SLC41A2: variants seen among roughly 807,000 people sequenced by gnomAD.
The protein encoded by SLC41A2 is SLC41A1-like 1.
SLC41A2 carries 32 observed loss-of-function variants against 58.3 expected under a neutral mutation model. That is an observed-to-expected ratio of 0.55 (90% CI 0.41 to 0.74). The LOEUF (loss-of-function observed/expected upper bound fraction) is 0.74. Ranked by LOEUF, SLC41A2 falls within the 30% of genes least tolerant of loss-of-function variation. The pLI is 0.00. For synonymous variants in SLC41A2, 190 were observed against 235.0 expected (o/e 0.81, Z 1.75); for missense variants, 514 against 680.6 (o/e 0.76, Z 2.72).
At chr12:104,836,550 A>C (rs2042215113) in intron 10 of SLC41A2, among the ~76,000 whole-genome samples, 1 of 152,222 alleles carries the variant, frequency 6.6e-6, no homozygotes, top group African/African-American at 2.4e-5. Context: ...TCAAGAGAAG[A>C]TATAACTGAA....
intron 10 of SLC41A2, among the ~76,000 whole-genome samples, chr12:104,843,736 T>G (rs59540600): frequency 0.013 from 1,935 of 152,272 alleles, 53 homozygotes; most frequent in African/African-American, 0.044. Context: ...CTTTTCTTCC[T>G]CCACACGATG....
intron 8 of SLC41A2, 26 bp downstream of exon 8, chr12:104,861,265 C>A: frequency 6.6e-7 from 1 of 1,521,660 alleles, no homozygotes; most frequent in Non-Finnish European, 9.1e-7. Flanking sequence ...TTGATATTAT[C>A]ATGAAACAGT....
intron 2 of SLC41A2, among the ~76,000 whole-genome samples, chr12:104,912,485 T>C (rs1473620396): frequency 6.6e-6 from 1 of 152,168 alleles, no homozygotes; most frequent in Non-Finnish European, 1.5e-5. Flanking sequence ...GGACTTGGTT[T>C]GGAGAGTTTC....
At position 104,886,385 on chromosome 12, in the gene SLC41A2, T is replaced by A. The variant is rs1413622960; in HGVS notation, c.935A>T (p.Asp312Val). ...AGCAGCAATGGGTGTAGCAACATTA[T>A]CAGGATTTATACCAGTCTTCTTTGA... ...VGSKKTGINPDNVATPIAASF... is the reference protein window; with the variant it reads ...VGSKKTGINPVNVATPIAASF... The change falls in exon 6 of 11, where the codon GAT becomes GTT. Residue 312 changes from aspartate (D) to valine (V), a missense_variant. By Grantham distance (152) the Asp-to-Val change is radical. Transcript: ENST00000258538. The A allele has an allele frequency of 6.2e-7, 1 of 1,613,668 alleles. No homozygotes were observed.
chr12:104,870,302 G>A (rs186923216), intron 6 of SLC41A2, among the ~76,000 whole-genome samples: 92 of 152,254 alleles, frequency 6.0e-4, no homozygotes, highest in Non-Finnish European at 4.4e-5. Flanking sequence ...GCAAGGAACA[G>A]ATTCTCCCCA....
chr12:104,921,076 C>G (rs928520332), intron 2 of SLC41A2, among the ~76,000 whole-genome samples: 1 of 151,410 alleles, frequency 6.6e-6, no homozygotes, highest in East Asian at 1.9e-4. Flanking sequence ...AGAAAGAAAC[C>G]CTGTCTCTTA....
intron 4 of SLC41A2, 31 bp downstream of exon 4, chr12:104,895,243 A>G: frequency 6.4e-7 from 1 of 1,550,816 alleles, no homozygotes; most frequent in South Asian, 1.1e-5. Flanking sequence ...TGTACACCCA[A>G]GATCTGTAAA....
chr12:104,920,166 A>G (rs896518014), intron 2 of SLC41A2, among the ~76,000 whole-genome samples: 3 of 152,176 alleles, frequency 2.0e-5, no homozygotes, highest in African/African-American at 7.2e-5. Context: ...ATTCTGTGGC[A>G]TTGATCTCTG....
intron 4 of SLC41A2, among the ~76,000 whole-genome samples, chr12:104,890,997 T>TCC (rs889747631): frequency 2.0e-5 from 3 of 151,778 alleles, no homozygotes; most frequent in African/African-American, 7.3e-5. Flanking sequence ...CCCATCCTAC[T>TCC]CCCCTCCCAC....
intron 8 of SLC41A2, among the ~76,000 whole-genome samples, chr12:104,860,222 C>T (rs1168597238): frequency 6.6e-6 from 1 of 151,898 alleles, no homozygotes; most frequent in Non-Finnish European, 1.5e-5. Flanking sequence ...ACATCACACA[C>T]CAGGGCCTGT....
intron 6 of SLC41A2, among the ~76,000 whole-genome samples, chr12:104,880,344 AACACT>A (rs1195705231): frequency 3.3e-5 from 5 of 152,186 alleles, no homozygotes; most frequent in Admixed American, 6.5e-5. Context: ...CAGAACTTCC[AACACT>A]ATGTTGAATA....
At chr12:104,828,644 A>C (rs1344941824) in intron 10 of SLC41A2, among the ~76,000 whole-genome samples, 1 of 152,112 alleles carries the variant, frequency 6.6e-6, no homozygotes, top group African/African-American at 2.4e-5. Flanking sequence ...TACCCCCATC[A>C]CATGCCCTGT....
chr12:104,814,981 A>G (rs533857168), intron 10 of SLC41A2, among the ~76,000 whole-genome samples: 2 of 152,220 alleles, frequency 1.3e-5, no homozygotes, highest in Admixed American at 6.5e-5. Context: ...AAATTGCTCT[A>G]TTCACCTTTG....
At chr12:104,909,306 A>G (rs985771516) in intron 3 of SLC41A2, among the ~76,000 whole-genome samples, 1 of 152,162 alleles carries the variant, frequency 6.6e-6, no homozygotes, top group Non-Finnish European at 1.5e-5. Context: ...AGTTTTTATA[A>G]TAAGAATGTA....
intron 10 of SLC41A2, among the ~76,000 whole-genome samples, chr12:104,815,060 A>G (rs1170430655): frequency 6.6e-6 from 1 of 152,228 alleles, no homozygotes; most frequent in African/African-American, 2.4e-5. Flanking sequence ...ATATGAATAA[A>G]GTTTTCTTCC....
intron 10 of SLC41A2, among the ~76,000 whole-genome samples, chr12:104,810,798 G>A (rs2041140556): frequency 6.6e-6 from 1 of 152,154 alleles, no homozygotes; most frequent in Non-Finnish European, 1.5e-5. Context: ...TATAAAAAAA[G>A]CTAAGGCAAA....
At chr12:104,880,905 T>C (rs1016975462) in intron 6 of SLC41A2, among the ~76,000 whole-genome samples, 3 of 152,222 alleles carry the variant, frequency 2.0e-5, no homozygotes, top group Non-Finnish European at 2.9e-5. Context: ...AGCTCCTCTC[T>C]GTACCTCTGG....
intron 10 of SLC41A2, among the ~76,000 whole-genome samples, chr12:104,842,811 GTGAAA>G (rs1363517116): frequency 6.6e-6 from 1 of 152,042 alleles, no homozygotes; most frequent in South Asian, 2.1e-4. Context: ...ATTGACTTAA[GTGAAA>G]TGCTGCATGA....
At chr12:104,858,348 T>G (rs1364656651) in intron 8 of SLC41A2, among the ~76,000 whole-genome samples, 1 of 152,320 alleles carries the variant, frequency 6.6e-6, no homozygotes, top group East Asian at 1.9e-4. Flanking sequence ...AGACCCGATC[T>G]GGTTTTCAAT....
Sources: allele counts gnomAD v4.1 joint callset (sites outside exome capture counted in the v4.1 genomes callset), GRCh38; gene constraint gnomAD v4.1.1; transcripts MANE v1.5; gene names NCBI Gene and HGNC (gene_info 2026-07-23, HGNC 2026-07-21).